ANKRD33B: variants seen among roughly 807,000 people sequenced by gnomAD.
The protein encoded by ANKRD33B is ankyrin repeat domain 33B.
Under a neutral mutation model 21.5 loss-of-function variants are expected in ANKRD33B, and 6 were observed. The ratio of observed to expected loss-of-function variants is 0.28; its 90% CI spans 0.15 to 0.55. The LOEUF is 0.55. Among genes scored for constraint, ANKRD33B ranks in the 20% least tolerant of loss-of-function variants. The probability of loss-of-function intolerance (pLI) is 0.94; values close to 1 mark genes in which losing one functional copy is unlikely to be tolerated. For synonymous variants in ANKRD33B, 347 were observed against 342.4 expected (o/e 1.01, Z -0.15); for missense variants, 698 against 747.2 (o/e 0.93, Z 0.77).
chr5:10,608,731 G>A (rs1202224287), intron 1 of ANKRD33B, among the ~76,000 whole-genome samples: 5 of 151,800 alleles, frequency 3.3e-5, no homozygotes, highest in African/African-American at 7.3e-5. Context: ...TTGAATGGGA[G>A]GCATTGCTTA....
chr5:10,568,126 T>C (rs1230113242), intron 1 of ANKRD33B, among the ~76,000 whole-genome samples: 2 of 152,242 alleles, frequency 1.3e-5, no homozygotes, highest in Non-Finnish European at 2.9e-5. Flanking sequence ...TGGTAGAATG[T>C]TGGATGTGGC....
At position 10,649,295 on chromosome 5, in the gene ANKRD33B, C is replaced by A; in HGVS notation, c.667C>A (p.Arg223Ser). Residue 223 changes from arginine to serine, a missense_variant, in exon 4 of 4, where the codon CGT becomes AGT. Arg to Ser is a moderately radical substitution (Grantham distance 110). Coordinates refer to ENST00000296657, the MANE Select transcript of ANKRD33B (RefSeq NM_001164440.2). Reference protein sequence around the residue: ...GADVHARDPRRGMSPQEWATY... With the variant: ...GADVHARDPRSGMSPQEWATY... ...GGATGTCCACGCGAGGGACCCCCGC[C>A]GTGGGATGTCGCCGCAGGAGTGGGC... The A allele has an allele frequency of 1.3e-6, 2 of 1,528,556 alleles. No homozygotes were observed. Among genetic ancestry groups the A allele is most frequent in the Middle Eastern group, 4.4e-4 (2 of 4,560 alleles). The allele number at this position is 1,528,556 out of a possible 1,614,324, so 94.7% of individuals were successfully genotyped here. A position where few individuals can be genotyped will look rare whatever the true frequency, so the allele number is the denominator to read the frequency against.
Position 10,564,550 on chromosome 5 carries a change from C to G in ANKRD33B, c.83C>G (p.Ala28Gly), listed in dbSNP as rs1735002500. Residue 28 changes from alanine (A) to glycine (G), a missense_variant, in exon 1 of 4, where the codon GCG becomes GGG. Physicochemically the swap from Ala to Gly is moderately conservative, Grantham distance 60 (BLOSUM62 0). Transcript: ENST00000296657. ...CCACCGCCGTCCCCACCCCGGGGCG[C>G]GCAGGTCGAGGAGGACCCCGCTGAC... is the stretch of plus-strand genomic sequence containing the variant. Reference protein sequence around the residue: ...TPPPPSPPRGAQVEEDPADYE... With the variant: ...TPPPPSPPRGGQVEEDPADYE... 1 of 1,533,626 alleles carries G rather than the reference C, an allele frequency of 6.5e-7. No individual in the cohort carries two copies. The highest frequency in any genetic ancestry group is 1.4e-5 in the African/African-American group (1 of 73,020).
intron 2 of ANKRD33B, among the ~76,000 whole-genome samples, chr5:10,620,327 A>G (rs1001295602): frequency 7.2e-5 from 11 of 152,112 alleles, no homozygotes; most frequent in African/African-American, 2.7e-4. Context: ...TAAGTAAAAG[A>G]AGATGAATGG....
At chr5:10,600,220 A>G (rs561879892) in intron 1 of ANKRD33B, among the ~76,000 whole-genome samples, 1 of 152,320 alleles carries the variant, frequency 6.6e-6, no homozygotes, top group East Asian at 1.9e-4. Context: ...GAAATGCACA[A>G]CTCTTAAGGG....
In ANKRD33B at chr5:10,650,215, C is replaced by T. The variant is rs1042852217; in HGVS notation, c.*102C>T. On this transcript the variant is annotated 3_prime_UTR_variant, in exon 4 of 4. Coordinates refer to ENST00000296657, the MANE Select transcript of ANKRD33B (RefSeq NM_001164440.2). Reference sequence around the variant, plus strand: ...GCCCCGTTGCGCATCGCACCACTTCCGCTCCATGGACCACGGGGCTGCGCG... The same window carrying T: ...GCCCCGTTGCGCATCGCACCACTTCTGCTCCATGGACCACGGGGCTGCGCG... 9 of 1,247,090 alleles carry T rather than the reference C, an allele frequency of 7.2e-6. No individual in the cohort carries two copies. Among genetic ancestry groups the T allele is most frequent in the Non-Finnish European group, 9.4e-6 (9 of 955,106 alleles). 77.3% of individuals were successfully genotyped at this position (1,247,090 alleles called of 1,614,324 possible).
At chr5:10,574,157 C>T (rs904534867) in intron 1 of ANKRD33B, among the ~76,000 whole-genome samples, 1 of 152,224 alleles carries the variant, frequency 6.6e-6, no homozygotes. Flanking sequence ...AAGATATCCA[C>T]CTTTTGTGAA....
At chr5:10,626,640 T>C (rs964388478) in intron 2 of ANKRD33B, among the ~76,000 whole-genome samples, 1 of 152,180 alleles carries the variant, frequency 6.6e-6, no homozygotes, top group Admixed American at 6.5e-5. Flanking sequence ...CAGAAATACA[T>C]TCGCCTTTTC....
chr5:10,568,784 T>C (rs559211865), intron 1 of ANKRD33B, among the ~76,000 whole-genome samples: 17 of 152,316 alleles, frequency 1.1e-4, no homozygotes, highest in Non-Finnish European at 2.2e-4. Flanking sequence ...ATCCTCTTGC[T>C]TGGCCTCTGA....
chr5:10,597,130 TAAAC>T (rs2126565710), intron 1 of ANKRD33B, among the ~76,000 whole-genome samples: 1 of 152,204 alleles, frequency 6.6e-6, no homozygotes, highest in South Asian at 2.1e-4. Flanking sequence ...GGCAACAACA[TAAAC>T]AACTCTGCAA....
At chr5:10,567,855 G>A (rs951823995) in intron 1 of ANKRD33B, among the ~76,000 whole-genome samples, 3 of 152,152 alleles carry the variant, frequency 2.0e-5, no homozygotes, top group South Asian at 2.1e-4. Context: ...AAGAAGGCCC[G>A]GACAGCTTTG....
At chr5:10,640,283 C>T (rs191578950) in intron 3 of ANKRD33B, among the ~76,000 whole-genome samples, 10 of 152,274 alleles carry the variant, frequency 6.6e-5, no homozygotes, top group African/African-American at 2.2e-4. Flanking sequence ...CCTGGATCAA[C>T]CCCTCTTTGT....
At chr5:10,641,614 G>A (rs1027382129) in intron 3 of ANKRD33B, among the ~76,000 whole-genome samples, 2 of 151,950 alleles carry the variant, frequency 1.3e-5, no homozygotes, top group Non-Finnish European at 2.9e-5. Flanking sequence ...GTGCAGCACC[G>A]CCCAGTCTGA....
chr5:10,574,423 C>G (rs1481248945), intron 1 of ANKRD33B, among the ~76,000 whole-genome samples: 1 of 151,438 alleles, frequency 6.6e-6, no homozygotes, highest in East Asian at 1.9e-4. Context: ...AGATCTAACA[C>G]AATTCTAAAT....
intron 2 of ANKRD33B, among the ~76,000 whole-genome samples, chr5:10,622,665 T>C (rs1736445702): frequency 6.6e-6 from 1 of 152,194 alleles, no homozygotes; most frequent in Non-Finnish European, 1.5e-5. Flanking sequence ...AATTGTTTCC[T>C]AGGCACTAGA....
chr5:10,603,792 A>T (rs1361516798), intron 1 of ANKRD33B, among the ~76,000 whole-genome samples: 1 of 152,276 alleles, frequency 6.6e-6, no homozygotes, highest in South Asian at 2.1e-4. Context: ...CTCATGATTA[A>T]AATTCTTTAT....
intron 1 of ANKRD33B, among the ~76,000 whole-genome samples, chr5:10,612,275 G>A (rs528268417): frequency 6.6e-6 from 1 of 152,328 alleles, no homozygotes; most frequent in South Asian, 2.1e-4. Context: ...CTCACTGTTT[G>A]GAGGCTGGGA....
At chr5:10,590,601 CG>C (rs1735661558) in intron 1 of ANKRD33B, among the ~76,000 whole-genome samples, 1 of 150,766 alleles carries the variant, frequency 6.6e-6, no homozygotes, top group African/African-American at 2.4e-5. Flanking sequence ...CGCGCGCGCG[CG>C]CGCGCGTGTG....
chr5:10,573,514 A>G (rs2076854668), intron 1 of ANKRD33B, among the ~76,000 whole-genome samples: 1 of 151,998 alleles, frequency 6.6e-6, no homozygotes, highest in Admixed American at 6.6e-5. Context: ...ATGGACATAC[A>G]TACTGTATTA....
Sources: allele counts gnomAD v4.1 joint callset (sites outside exome capture counted in the v4.1 genomes callset), GRCh38; gene constraint gnomAD v4.1.1; transcripts MANE v1.5; gene names NCBI Gene and HGNC (gene_info 2026-07-23, HGNC 2026-07-21).